RABEPK: variants seen among roughly 807,000 people sequenced by gnomAD.
RABEPK encodes the protein Rab9 effector protein with kelch motifs, also known as 40 kDa Rab9 effector protein.
RABEPK carries 27 observed loss-of-function variants against 34.1 expected under a neutral mutation model. The observed-to-expected ratio is 0.79, with a 90% CI of 0.58 to 1.09. The LOEUF (loss-of-function observed/expected upper bound fraction) is 1.09. RABEPK is among the 50% of genes least tolerant of loss of function. The pLI is 0.00. For missense variants in RABEPK, 449 were observed against 462.6 expected, an observed-to-expected ratio of 0.97 and a Z score of 0.27; for synonymous variants, 172 against 169.2, an observed-to-expected ratio of 1.02 and a Z score of -0.13.
chr9:125,204,100 C>T (rs183855070), intron 2 of RABEPK, among the ~76,000 whole-genome samples: 377 of 149,990 alleles, frequency 2.5e-3, no homozygotes, highest in Non-Finnish European at 3.5e-3. Flanking sequence ...TTTGGGAGGC[C>T]GAGGTGGGCG....
intron 3 of RABEPK, among the ~76,000 whole-genome samples, chr9:125,211,758 A>C (rs966779742): frequency 6.6e-6 from 1 of 152,118 alleles, no homozygotes; most frequent in Non-Finnish European, 1.5e-5. Flanking sequence ...ACTTGAGGTC[A>C]GGAGTTTGAG....
chr9:125,226,428 A>G (rs1323062575), intron 5 of RABEPK, among the ~76,000 whole-genome samples: 1 of 152,098 alleles, frequency 6.6e-6, no homozygotes, highest in Admixed American at 6.6e-5. Flanking sequence ...TTACTTATAA[A>G]ATAAATAAAT....
intron 5 of RABEPK, chr9:125,220,974 C>T: frequency 3.4e-6 from 1 of 298,142 alleles, no homozygotes; most frequent in Admixed American, 5.0e-5. Flanking sequence ...CGAGAACAGC[C>T]TGGCCAACAT....
At chr9:125,208,249 A>T (rs1830365714) in intron 3 of RABEPK, among the ~76,000 whole-genome samples, 1 of 152,158 alleles carries the variant, frequency 6.6e-6, no homozygotes, top group African/African-American at 2.4e-5. Flanking sequence ...ACCCTTATGG[A>T]GCCCTGGTTG....
At chr9:125,233,370 ACT>A (rs1312754215) in intron 7 of RABEPK, among the ~76,000 whole-genome samples, 1 of 116,718 alleles carries the variant, frequency 8.6e-6, no homozygotes, top group Non-Finnish European at 1.6e-5. Context: ...ATGGAGTCTC[ACT>A]CTGTCGCCCA....
intron 3 of RABEPK, among the ~76,000 whole-genome samples, chr9:125,211,277 G>C (rs1180722737): frequency 6.6e-6 from 1 of 151,486 alleles, no homozygotes; most frequent in African/African-American, 2.4e-5. Flanking sequence ...ATACTCCCAA[G>C]TAGCTGGAAC....
At chr9:125,223,912 C>T (rs368373169) in intron 5 of RABEPK, among the ~76,000 whole-genome samples, 5 of 151,932 alleles carry the variant, frequency 3.3e-5, no homozygotes, top group African/African-American at 9.7e-5. Context: ...GCAGGCTGGG[C>T]GCAGTGGCTC....
In RABEPK at chr9:125,233,974, G is replaced by A. The variant is rs765916407; in HGVS notation, c.1113G>A (p.Val371=). The A allele has an allele frequency of 2.5e-6, 4 of 1,598,778 alleles. No individual in the cohort carries two copies. The highest frequency in any genetic ancestry group is 1.7e-5 in the Admixed American group (1 of 58,810). The change falls in exon 8 of 8, where the codon GTG becomes GTA. Residue 371 remains valine, a synonymous_variant. Transcript: ENST00000373538. The part of the protein sequence containing the change: ...EIYDDCIVTV[V]D ...ATGACGATTGTATTGTGACTGTAGT[G>A]GACTAATAAAACCCACATTTTTATT...
intron 6 of RABEPK, among the ~76,000 whole-genome samples, chr9:125,230,898 T>C (rs1458883127): frequency 6.6e-6 from 1 of 152,138 alleles, no homozygotes; most frequent in African/African-American, 2.4e-5. Context: ...TCTTAATGCT[T>C]ATTTTTAAAA....
intron 7 of RABEPK, among the ~76,000 whole-genome samples, chr9:125,233,385 C>T (rs1832356081): frequency 7.5e-6 from 1 of 132,500 alleles, no homozygotes; most frequent in South Asian, 2.4e-4. Context: ...GTCGCCCAGG[C>T]TGTAGTGCGG....
chr9:125,231,831 A>G (rs568490162), intron 6 of RABEPK, among the ~76,000 whole-genome samples: 1 of 152,042 alleles, frequency 6.6e-6, no homozygotes, highest in African/African-American at 2.4e-5. Flanking sequence ...TAGGGCTGTT[A>G]TGAAAATTAA....
At chr9:125,204,581 TCAAACAAA>T (rs747697964) in intron 2 of RABEPK, among the ~76,000 whole-genome samples, 1 of 152,202 alleles carries the variant, frequency 6.6e-6, no homozygotes, top group Non-Finnish European at 1.5e-5. Flanking sequence ...AGACTCCGTC[TCAAACAAA>T]CAAACAAACA....
At chr9:125,220,441 G>A in intron 4 of RABEPK, 98 bp from the exon 5 acceptor site, 1 of 1,518,374 alleles carries the variant, frequency 6.6e-7, no homozygotes, top group African/African-American at 1.4e-5. Flanking sequence ...GCCCCCCTGG[G>A]GATTGGAGTT....
intron 3 of RABEPK, among the ~76,000 whole-genome samples, chr9:125,210,383 G>GCA (rs1321946178): frequency 3.8e-5 from 5 of 130,036 alleles, no homozygotes; most frequent in African/African-American, 5.8e-5. Context: ...CAGCCTGGGT[G>GCA]ACAGAGCAAG....
chr9:125,224,522 G>T (rs1182334490), intron 5 of RABEPK, among the ~76,000 whole-genome samples: 1 of 146,688 alleles, frequency 6.8e-6, no homozygotes, highest in Non-Finnish European at 1.5e-5. Context: ...ACACAATCTT[G>T]GCTCACTGCA....
chr9:125,218,152 A>G (rs1235680060), intron 4 of RABEPK, among the ~76,000 whole-genome samples: 3 of 151,130 alleles, frequency 2.0e-5, no homozygotes, highest in African/African-American at 7.3e-5. Context: ...TCTACTAAAA[A>G]AAAAAAAAAT....
chr9:125,226,795 C>T (rs1297686798), intron 5 of RABEPK, among the ~76,000 whole-genome samples: 2 of 151,838 alleles, frequency 1.3e-5, no homozygotes, highest in East Asian at 1.9e-4. Flanking sequence ...ACCGGGGAGG[C>T]GGAGGTTACA....
At position 125,220,202 on chromosome 9, in the gene RABEPK, A is replaced by T. The variant is rs1588379520; in HGVS notation, c.365-337A>T. The T allele has an allele frequency of 1.0e-5, 8 of 795,452 alleles. No individual in the cohort carries two copies. In the East Asian group the frequency reaches 2.3e-4, roughly 23 times the overall value. 49.3% of individuals were successfully genotyped at this position (795,452 alleles called of 1,614,324 possible). A position where few individuals can be genotyped will look rare whatever the true frequency, so the allele number is the denominator to read the frequency against. On this transcript the variant is annotated intron_variant, in intron 4 of 7. Transcript: ENST00000373538. Reference sequence around the variant, plus strand: ...TTTAGTAGAGATGGGGTTTTACCCCATGTTGGCCAGGCTGGTTTCGAACTC... The same window carrying T: ...TTTAGTAGAGATGGGGTTTTACCCCTTGTTGGCCAGGCTGGTTTCGAACTC...
In RABEPK at chr9:125,218,715, G is replaced by GTC. The variant is rs369535263; in HGVS notation, c.365-1808_365-1807dup. Among the ~76,000 whole-genome samples the GTC allele has an allele frequency of 1.6e-4, 24 of 150,966 alleles. No individual in the cohort carries two copies. In the East Asian group the frequency reaches 2.1e-3, roughly 13 times the overall value. On this transcript the variant is annotated intron_variant, in intron 4 of 7. Transcript: ENST00000373538. ...ATTTCTTAGGCATGTCACTTTATCT[G>GTC]TCTCTCTCTCTCTCTCTTTCTCTCT...
Sources: gnomAD v4.1 joint callset for allele counts (sites outside exome capture counted in the v4.1 genomes callset) on GRCh38, gnomAD v4.1.1 for gene constraint, MANE v1.5 for transcripts, NCBI Gene and HGNC (gene_info 2026-07-23, HGNC 2026-07-21) for gene names.